ACYP2: variants seen among roughly 807,000 people sequenced by gnomAD.
ACYP2 encodes acylphosphatase-2.
In ACYP2, 12 loss-of-function variants were observed where a neutral mutation model predicts 11.2. The observed-to-expected ratio is 1.08, with a 90% confidence interval of 0.69 to 1.74. The LOEUF is 1.74. ACYP2 is among the 40% of genes most tolerant of loss of function. ACYP2 has a pLI of 0.00. For missense variants in ACYP2, 134 were observed against 101.9 expected, an observed-to-expected ratio of 1.31 and a Z score of -1.35; for synonymous variants, 43 against 32.2, an observed-to-expected ratio of 1.33 and a Z score of -1.13.
intron 4 of ACYP2, among the ~76,000 whole-genome samples, chr2:54,075,489 T>A (rs1324733312): frequency 2.8e-5 from 4 of 141,022 alleles, no homozygotes; most frequent in African/African-American, 1.1e-4. Context: ...CAGAGTGAGA[T>A]TCTGTCTCAA....
intron 6 of ACYP2, among the ~76,000 whole-genome samples, chr2:54,239,410 T>TG (rs1255834844): frequency 3.9e-5 from 6 of 152,222 alleles, no homozygotes; most frequent in Admixed American, 2.0e-4. Context: ...ATGGAACTGA[T>TG]GAAGTCATCA....
chr2:54,112,392 T>C (rs980515885), intron 4 of ACYP2, among the ~76,000 whole-genome samples: 2 of 152,188 alleles, frequency 1.3e-5, no homozygotes, highest in Non-Finnish European at 2.9e-5. Flanking sequence ...AATAATCATA[T>C]ACAGTCTTGG....
intron 6 of ACYP2, among the ~76,000 whole-genome samples, chr2:54,173,617 G>C (rs980209028): frequency 1.6e-4 from 25 of 152,146 alleles, no homozygotes; most frequent in Non-Finnish European, 3.4e-4. Context: ...CCTTGCCCAT[G>C]CCTATGTCCT....
intron 6 of ACYP2, among the ~76,000 whole-genome samples, chr2:54,275,558 G>A (rs775683770): frequency 2.0e-4 from 31 of 152,152 alleles, no homozygotes; most frequent in Non-Finnish European, 4.3e-4. Flanking sequence ...GAATAATTTA[G>A]GAATGGGGAA....
chr2:54,116,607 G>T (rs1281843192), intron 4 of ACYP2, among the ~76,000 whole-genome samples: 2 of 145,564 alleles, frequency 1.4e-5, no homozygotes, highest in African/African-American at 2.5e-5. Flanking sequence ...AATTTCCTTT[G>T]ACAATAAGGC....
chr2:54,118,265 C>T (rs1326002536), intron 4 of ACYP2, among the ~76,000 whole-genome samples: 1 of 152,160 alleles, frequency 6.6e-6, no homozygotes, highest in Non-Finnish European at 1.5e-5. Flanking sequence ...CAATAAGTCA[C>T]CAAAACACGT....
At chr2:54,020,599 C>T (rs1214887720) in intron 2 of ACYP2, among the ~76,000 whole-genome samples, 3 of 152,204 alleles carry the variant, frequency 2.0e-5, no homozygotes, top group African/African-American at 7.2e-5. Flanking sequence ...ATTATTGGAA[C>T]ACATCTAAAC....
chr2:54,065,386 A>C, intron 4 of ACYP2: 4 of 397,936 alleles, frequency 1.0e-5, no homozygotes, highest in Non-Finnish European at 1.3e-5. Context: ...TGATTTTTCT[A>C]TTCTCCTATG....
At chr2:54,052,510 G>GTCT (rs938199977) in intron 3 of ACYP2, among the ~76,000 whole-genome samples, 8 of 152,088 alleles carry the variant, frequency 5.3e-5, no homozygotes, top group Non-Finnish European at 7.4e-5. Context: ...ATCTTCAGTT[G>GTCT]TCTCTGTTGC....
intron 6 of ACYP2, among the ~76,000 whole-genome samples, chr2:54,190,008 T>C (rs1254209675): frequency 6.6e-6 from 1 of 152,216 alleles, no homozygotes; most frequent in Non-Finnish European, 1.5e-5. Flanking sequence ...TTTTGTTTTT[T>C]GAGAAATGTC....
At chr2:54,115,699 A>T in intron 4 of ACYP2, 1 of 1,612,226 alleles carries the variant, frequency 6.2e-7, no homozygotes, top group Non-Finnish European at 8.5e-7. Context: ...CGCCGCCGCC[A>T]TGTCTACCGC....
intron 6 of ACYP2, among the ~76,000 whole-genome samples, chr2:54,226,312 T>C (rs1419444270): frequency 3.9e-5 from 6 of 152,224 alleles, no homozygotes; most frequent in Admixed American, 3.9e-4. Flanking sequence ...TCAAAGATAT[T>C]GAGCGTCTGG....
intron 2 of ACYP2, among the ~76,000 whole-genome samples, chr2:54,007,789 T>A (rs1361106365): frequency 1.3e-5 from 2 of 151,854 alleles, no homozygotes; most frequent in Non-Finnish European, 2.9e-5. Flanking sequence ...CGCATGAACC[T>A]AGGAGGTGGA....
At chr2:54,299,460 C>T (rs930085388) in intron 6 of ACYP2, among the ~76,000 whole-genome samples, 2 of 151,816 alleles carry the variant, frequency 1.3e-5, no homozygotes, top group African/African-American at 2.4e-5. Context: ...GGCATGGTGG[C>T]GCATGCCTGT....
At chr2:54,186,970 G>A (rs1023718744) in intron 6 of ACYP2, among the ~76,000 whole-genome samples, 1 of 151,992 alleles carries the variant, frequency 6.6e-6, no homozygotes, top group South Asian at 2.1e-4. Context: ...CACCATGGAA[G>A]GAAGAGGACA....
chr2:54,122,472 T>G (rs1447383585), intron 4 of ACYP2, among the ~76,000 whole-genome samples: 1 of 152,090 alleles, frequency 6.6e-6, no homozygotes, highest in Non-Finnish European at 1.5e-5. Flanking sequence ...AACCTGCATG[T>G]GTCATATCAG....
rs1371590527 is a variant in ACYP2 at position 53,973,853 on chromosome 2, ATATGTGTGTGTGTGTGTGTG to A, written c.62+45_62+64del. The A allele has an allele frequency of 2.0e-4, 23 of 113,418 alleles. 1 individual carries two copies. The highest frequency in any genetic ancestry group is 1.5e-3 in the African/African-American group (23 of 15,704). 7.0% of individuals were successfully genotyped at this position (113,418 alleles called of 1,614,324 possible). On this transcript the variant is annotated intron_variant, in intron 2 of 6. Coordinates refer to ENST00000607452, the MANE Select transcript of ACYP2 (RefSeq NM_001320586.2). The stretch of plus-strand genomic sequence containing the variant: ...AGGGATTTTTGAATGTGGGATATAT[ATATGTGTGTGTGTGTGTGTG>A]TGTGTGTGTGTGTGTGTGTGTGTGT...
chr2:54,017,394 A>G (rs1214870890), intron 2 of ACYP2, among the ~76,000 whole-genome samples: 5 of 150,648 alleles, frequency 3.3e-5, no homozygotes. Flanking sequence ...AGGTGGGATT[A>G]TAGGTGTGAA....
At chr2:54,062,720 TCAA>T (rs1267577355) in intron 4 of ACYP2, among the ~76,000 whole-genome samples, 1 of 152,222 alleles carries the variant, frequency 6.6e-6, no homozygotes, top group Non-Finnish European at 1.5e-5. Flanking sequence ...GAATGAGCTC[TCAA>T]CAAATTACCT....
Sources: allele counts gnomAD v4.1 joint callset (sites outside exome capture counted in the v4.1 genomes callset), GRCh38; gene constraint gnomAD v4.1.1; transcripts MANE v1.5; gene names NCBI Gene and HGNC (gene_info 2026-07-23, HGNC 2026-07-21).